Variants in BCAT1 observed in about 807,000 individuals in gnomAD.
BCAT1 encodes branched-chain-amino-acid aminotransferase, cytosolic.
A neutral mutation model predicts 52.4 loss-of-function variants in BCAT1; 48 were observed. That is an observed-to-expected ratio of 0.92 (90% CI 0.73 to 1.16). The LOEUF (loss-of-function observed/expected upper bound fraction) is 1.16. Among genes scored for constraint, BCAT1 ranks in the 50% most tolerant of loss-of-function variants. BCAT1 has a pLI of 0.00. For missense variants in BCAT1, 451 were observed against 457.1 expected (o/e 0.99, Z 0.12); for synonymous variants, 167 against 161.3 (o/e 1.04, Z -0.27).
intron 2 of BCAT1, among the ~76,000 whole-genome samples, chr12:24,901,169 T>G (rs932793039): frequency 2.0e-5 from 3 of 152,182 alleles, no homozygotes; most frequent in Non-Finnish European, 4.4e-5. Context: ...CGCCAGGATG[T>G]GAGATCATTA....
At chr12:24,828,618 T>C (rs372156167) in intron 10 of BCAT1, among the ~76,000 whole-genome samples, 2 of 152,324 alleles carry the variant, frequency 1.3e-5, no homozygotes, top group South Asian at 4.1e-4. Flanking sequence ...AAACTACTTA[T>C]TGATATAAAA....
chr12:24,842,309 T>C (rs1941201078), intron 6 of BCAT1, 85 bp from the exon 7 acceptor site: 1 of 1,454,578 alleles, frequency 6.9e-7, no homozygotes, highest in Non-Finnish European at 9.5e-7. Flanking sequence ...CTCAAGCTCT[T>C]AATTCACATG....
chr12:24,881,457 C>T (rs774144077), intron 3 of BCAT1, 46 bp from the exon 4 acceptor site: 9 of 1,311,720 alleles, frequency 6.9e-6, no homozygotes, highest in Non-Finnish European at 7.7e-6. Flanking sequence ...CAAAAGAAAA[C>T]AACCCGTGTT....
intron 5 of BCAT1, among the ~76,000 whole-genome samples, chr12:24,857,713 T>C (rs1056128057): frequency 1.3e-5 from 2 of 152,182 alleles, no homozygotes; most frequent in African/African-American, 4.8e-5. Flanking sequence ...ACCCCAGGAA[T>C]TGAAGGCAAG....
chr12:24,917,412 G>A (rs960975975), intron 1 of BCAT1, among the ~76,000 whole-genome samples: 1 of 152,120 alleles, frequency 6.6e-6, no homozygotes, highest in African/African-American at 2.4e-5. Context: ...TCGATCTCCT[G>A]ACCTCGTGAT....
chr12:24,932,587 A>T (rs1345571932), intron 1 of BCAT1, among the ~76,000 whole-genome samples: 1 of 152,258 alleles, frequency 6.6e-6, no homozygotes, highest in African/African-American at 2.4e-5. Context: ...TACTTACAGT[A>T]CTTACATAGT....
chr12:24,830,985 C>T (rs1940640075), intron 9 of BCAT1, among the ~76,000 whole-genome samples: 1 of 152,102 alleles, frequency 6.6e-6, no homozygotes, highest in Admixed American at 6.6e-5. Context: ...ATTTGAAAAC[C>T]AGTGGAGTTT....
intron 1 of BCAT1, chr12:24,902,360 C>A: frequency 8.5e-7 from 1 of 1,180,224 alleles, no homozygotes; most frequent in Non-Finnish European, 1.0e-6. Flanking sequence ...CCTCCACCAG[C>A]AGGGTCCTCC....
At chr12:24,921,221 A>AACACTAATATACAAAAAG (rs1286450978) in intron 1 of BCAT1, among the ~76,000 whole-genome samples, 11 of 152,362 alleles carry the variant, frequency 7.2e-5, no homozygotes, top group Admixed American at 2.0e-4. Context: ...GCTATCAGTC[A>AACACTAATATACAAAAAG]ACACTAATAT....
intron 2 of BCAT1, 23 bp downstream of exon 2, chr12:24,901,791 T>C (rs974202326): frequency 1.2e-6 from 2 of 1,609,896 alleles, no homozygotes; most frequent in Non-Finnish European, 1.7e-6. Context: ...CTTTAGACAC[T>C]AAGCCTCTGG....
intron 3 of BCAT1, among the ~76,000 whole-genome samples, chr12:24,883,667 C>T (rs1358393382): frequency 6.6e-6 from 1 of 152,094 alleles, no homozygotes; most frequent in African/African-American, 2.4e-5. Flanking sequence ...GGGTATATAT[C>T]CAAAAGCAGC....
chr12:24,817,210 G>T lies in BCAT1; in HGVS notation c.*798C>A, dbSNP rs1016434265. The T allele has an allele frequency of 6.6e-6, 1 of 152,048 alleles. No homozygotes were observed. The highest frequency in any genetic ancestry group is 6.6e-5 in the Admixed American group (1 of 15,254). 9.4% of individuals were successfully genotyped at this position (152,048 alleles called of 1,614,324 possible). ...ATCAATCACAAATTCTAATAAAGAG[G>T]TTTCATAATATAGAAACAAAGAAGG... On this transcript the variant is annotated 3_prime_UTR_variant, in exon 11 of 11. Transcript: ENST00000261192.
intron 1 of BCAT1, among the ~76,000 whole-genome samples, chr12:24,936,316 T>A (rs979298978): frequency 6.6e-6 from 1 of 152,232 alleles, no homozygotes; most frequent in Non-Finnish European, 1.5e-5. Flanking sequence ...TACTGCAATC[T>A]CTACCTCCCG....
At chr12:24,895,498 C>G (rs1942939413) in intron 2 of BCAT1, among the ~76,000 whole-genome samples, 1 of 150,704 alleles carries the variant, frequency 6.6e-6, no homozygotes, top group South Asian at 2.1e-4. Context: ...TGCACTCCAG[C>G]CTGGGAGACA....
chr12:24,835,897 AT>A (rs1223415561), intron 8 of BCAT1, among the ~76,000 whole-genome samples: 1 of 152,058 alleles, frequency 6.6e-6, no homozygotes, highest in Non-Finnish European at 1.5e-5. Flanking sequence ...GGTCCACCAA[AT>A]TGTTTAATAT....
At chr12:24,933,490 C>G (rs752479536) in intron 1 of BCAT1, among the ~76,000 whole-genome samples, 9 of 152,048 alleles carry the variant, frequency 5.9e-5, no homozygotes, top group Non-Finnish European at 1.2e-4. Context: ...GCAACTTTAC[C>G]TGCTCTTCAC....
At chr12:24,883,334 T>C (rs1565481199) in intron 3 of BCAT1, among the ~76,000 whole-genome samples, 2 of 152,324 alleles carry the variant, frequency 1.3e-5, no homozygotes, top group East Asian at 1.9e-4. Flanking sequence ...TTAGAATGGC[T>C]ACTATCAAAA....
chr12:24,821,370 C>T (rs945267113), intron 10 of BCAT1, among the ~76,000 whole-genome samples: 59 of 152,246 alleles, frequency 3.9e-4, no homozygotes, highest in African/African-American at 1.3e-3. Flanking sequence ...GTCGCTGCTT[C>T]CCACTTTATG....
rs1338958750 is a variant in BCAT1 at position 24,894,262 on chromosome 12, C to T, written c.279+13G>A. ...TGCAAGCATGTCACTCTCTTTAATT[C>T]CCATGTACTTACTTCCACTGCATAG... On this transcript the variant is annotated intron_variant, in intron 3 of 10. Coordinates refer to ENST00000261192, the MANE Select transcript of BCAT1 (RefSeq NM_005504.7). 4.3e-6 allele frequency: 7 copies of T among 1,611,886 alleles called. No homozygotes were observed. Among genetic ancestry groups the T allele is most frequent in the African/African-American group, 1.3e-5 (1 of 74,898 alleles).
Sources: gnomAD v4.1 joint callset for allele counts (sites outside exome capture counted in the v4.1 genomes callset) on GRCh38, gnomAD v4.1.1 for gene constraint, MANE v1.5 for transcripts, NCBI Gene and HGNC (gene_info 2026-07-23, HGNC 2026-07-21) for gene names.